Variants in MAP3K4 observed in about 807,000 individuals in gnomAD.
The protein encoded by MAP3K4 is MAP three kinase 1.
In MAP3K4, 67 loss-of-function variants were observed where a neutral mutation model predicts 185.6. The ratio of observed to expected loss-of-function variants is 0.36; its 90% CI spans 0.30 to 0.44. MAP3K4 has a LOEUF of 0.44. MAP3K4 is among the 20% of genes least tolerant of loss of function. The pLI, the probability that MAP3K4 is intolerant of heterozygous loss-of-function variation, is 1.00. For missense variants in MAP3K4, 1,551 were observed against 1,995.1 expected, an observed-to-expected ratio of 0.78 and a Z score of 4.24; for synonymous variants, 702 against 710.4, an observed-to-expected ratio of 0.99 and a Z score of 0.19.
intron 15 of MAP3K4, among the ~76,000 whole-genome samples, 182 bp downstream of exon 15, chr6:161,094,033 T>C (rs1166899415): frequency 6.6e-6 from 1 of 152,242 alleles, no homozygotes; most frequent in African/African-American, 2.4e-5. Flanking sequence ...TTTCTAAATC[T>C]GACAGGAAGA....
rs989696975 is a variant in MAP3K4, at chr6:161,108,063, G to A, written c.4119+94G>A. On this transcript the variant is annotated intron_variant, in intron 21 of 26. Transcript: ENST00000392142. This position sits in a 1 kb window ranked among gnomAD's most constrained non-coding sequence, Gnocchi z 5.7. ...CTGGTCGTGATTCAGTTCTCTGTGC[G>A]TAGAGCTGTCTTCAGCACCAGCACT... 14 of 1,123,836 alleles carry A rather than the reference G, an allele frequency of 1.2e-5. No homozygotes were observed. The highest frequency in any genetic ancestry group is 7.7e-5 in the African/African-American group (5 of 64,794). 69.6% of individuals were successfully genotyped at this position (1,123,836 alleles called of 1,614,324 possible). A position where few individuals can be genotyped will look rare whatever the true frequency, so the allele number is the denominator to read the frequency against.
chr6:161,022,737 C>T lies in MAP3K4; in HGVS notation c.153-11522C>T, dbSNP rs969121324. On this transcript the variant is annotated intron_variant, in intron 1 of 26. Transcript: ENST00000392142. This position sits in a 1 kb window ranked among gnomAD's most constrained non-coding sequence, Gnocchi z 4.2. ...AATTATGCTAGTACCTGTAGGAATCCTTGGGTACCTCGCATGTAACAGAGC... is the reference window on the plus strand; with the variant it reads ...AATTATGCTAGTACCTGTAGGAATCTTTGGGTACCTCGCATGTAACAGAGC... Among the ~76,000 whole-genome samples, 3 of 152,158 alleles carry T rather than the reference C, an allele frequency of 2.0e-5. No homozygotes were observed. Among genetic ancestry groups the T allele is most frequent in the African/African-American group, 7.2e-5 (3 of 41,426 alleles).
intron 6 of MAP3K4, among the ~76,000 whole-genome samples, chr6:161,083,461 C>G (rs1015955646): frequency 6.6e-6 from 1 of 152,116 alleles, no homozygotes; most frequent in African/African-American, 2.4e-5. Flanking sequence ...AATCAGACCC[C>G]TTTCCCAATC....
At chr6:161,062,347 T>C (rs1050090115) in intron 3 of MAP3K4, among the ~76,000 whole-genome samples, 1 of 152,236 alleles carries the variant, frequency 6.6e-6, no homozygotes, top group Non-Finnish European at 1.5e-5. Flanking sequence ...TGTATGACAG[T>C]ACTTTCTCCC....
At chr6:161,000,431 A>G (rs1440978398) in intron 1 of MAP3K4, among the ~76,000 whole-genome samples, 2 of 152,192 alleles carry the variant, frequency 1.3e-5, no homozygotes, top group African/African-American at 4.8e-5. Flanking sequence ...TGAAGACAGC[A>G]TTGTTACCCG....
At chr6:161,029,922 TCTAAG>T (rs1782844979) in intron 1 of MAP3K4, among the ~76,000 whole-genome samples, 1 of 152,190 alleles carries the variant, frequency 6.6e-6, no homozygotes, top group Non-Finnish European at 1.5e-5. Context: ...ATATGTTACT[TCTAAG>T]CTAAGGCCCT....
rs375223581 is a variant in MAP3K4 at position 161,093,084 on chromosome 6, T to C, written c.3348+28T>C. 19 of 1,500,746 alleles carry C rather than the reference T, an allele frequency of 1.3e-5. No individual in the cohort carries two copies. Among genetic ancestry groups the C allele is most frequent in the Non-Finnish European group, 1.8e-5 (19 of 1,083,552 alleles). The allele number at this position is 1,500,746 out of a possible 1,614,324, so 93.0% of individuals were successfully genotyped here. ...ATGGATTATTCTAAAGTTTTTTTCA[T>C]TATAAAATAAGCCAGTCACTCCTTA... On this transcript the variant is annotated intron_variant, in intron 14 of 26. Coordinates refer to ENST00000392142, the MANE Select transcript of MAP3K4 (RefSeq NM_005922.4). This position sits in a 1 kb window ranked among gnomAD's most constrained non-coding sequence, Gnocchi z 5.2.
intron 3 of MAP3K4, among the ~76,000 whole-genome samples, chr6:161,057,129 A>G (rs925057905): frequency 1.3e-5 from 2 of 152,152 alleles, no homozygotes; most frequent in Non-Finnish European, 2.9e-5. Context: ...ATTAGAAACG[A>G]TCATGTAGTT....
Position 161,061,660 on chromosome 6 carries a change from C to G in MAP3K4, c.1708-8948C>G, listed in dbSNP as rs762202843. ...GCCCTATCTCTAGGCAACCGCTAAT[C>G]TACTTTCTGTCTCTTAATATTTGCC... On this transcript the variant is annotated intron_variant, in intron 3 of 26. Coordinates refer to ENST00000392142, the MANE Select transcript of MAP3K4 (RefSeq NM_005922.4). This position sits in a 1 kb window ranked among gnomAD's most constrained non-coding sequence, Gnocchi z 4.2. Among the ~76,000 whole-genome samples the G allele has an allele frequency of 2.0e-5, 3 of 152,208 alleles. No homozygotes were observed. The highest frequency in any genetic ancestry group is 4.4e-5 in the Non-Finnish European group (3 of 68,032).
chr6:161,099,319 A>G (rs1777726047), intron 17 of MAP3K4, among the ~76,000 whole-genome samples: 1 of 152,224 alleles, frequency 6.6e-6, no homozygotes. Flanking sequence ...AAAACAGACT[A>G]AAATGTTTTT....
chr6:161,105,660 G>A (rs1256737149), intron 19 of MAP3K4, among the ~76,000 whole-genome samples: 1 of 152,180 alleles, frequency 6.6e-6, no homozygotes, highest in Non-Finnish European at 1.5e-5. Context: ...TTAGGCAGAG[G>A]GAAAGGTGTA....
In MAP3K4 at chr6:161,091,864, T is replaced by C; in HGVS notation, c.3136-146T>C. The C allele has an allele frequency of 1.4e-6, 1 of 700,228 alleles. No homozygotes were observed. The allele number at this position is 700,228 out of a possible 1,614,324, so 43.4% of individuals were successfully genotyped here. ...GCATTTTGAAACACTGTACTTTCCA[T>C]AATTCTTCATACTATTCAAAATATA... is the stretch of plus-strand genomic sequence containing the variant. On this transcript the variant is annotated intron_variant, in intron 12 of 26. Transcript: ENST00000392142. The surrounding 1 kb of genome is among the most constrained non-coding windows in gnomAD (Gnocchi z 5.5).
rs534177631 is a variant in MAP3K4, at chr6:161,068,128, A to G, written c.1708-2480A>G. 1.8e-4 allele frequency among the ~76,000 whole-genome samples: 27 copies of G among 152,380 alleles called. 1 individual carries two copies. The South Asian group carries it at 5.4e-3, about 30-fold the overall frequency. On this transcript the variant is annotated intron_variant, in intron 3 of 26. Coordinates refer to ENST00000392142, the MANE Select transcript of MAP3K4 (RefSeq NM_005922.4). Reference sequence around the variant, plus strand: ...GTACCGAGCTAAGTTTTAGAGACCCATAGTTAACTGGAGATAAACAATCTT... The same window carrying G: ...GTACCGAGCTAAGTTTTAGAGACCCGTAGTTAACTGGAGATAAACAATCTT...
chr6:161,019,834 T>A (rs1470676235), intron 1 of MAP3K4, among the ~76,000 whole-genome samples: 2 of 152,214 alleles, frequency 1.3e-5, no homozygotes, highest in African/African-American at 2.4e-5. Context: ...GTTAACCATT[T>A]AAAAAAAATT....
Position 161,049,192 on chromosome 6 carries a change from G to C in MAP3K4, c.920G>C (p.Ser307Thr), listed in dbSNP as rs1783886173. 1.2e-6 allele frequency: 2 copies of C among 1,613,850 alleles called. No homozygotes were observed. The highest frequency in any genetic ancestry group is 2.2e-5 in the South Asian group (2 of 91,082). ...EILTFKVDYGSFAFVRDRAGF... is the reference protein window; with the variant it reads ...EILTFKVDYGTFAFVRDRAGF... ...CTTACTTTCAAAGTCGACTATGGGA[G>C]CTTCGCCTTTGTTAGAGATAGAGCT... The change falls in exon 3 of 27, where the codon AGC becomes ACC. Residue 307 changes from serine to threonine, a missense_variant. Physicochemically the swap from Ser to Thr is moderately conservative, Grantham distance 58. This residue lies in a region of MAP3K4 where 69 missense variants were observed against 124.8 expected (regional missense o/e 0.55). Transcript: ENST00000392142. This position sits in a 1 kb window ranked among gnomAD's most constrained non-coding sequence, Gnocchi z 8.4.
Position 160,992,074 on chromosome 6 carries a change from T to G in MAP3K4, c.143T>G (p.Leu48Trp), listed in dbSNP as rs1780739247. 1.3e-6 allele frequency: 2 copies of G among 1,573,566 alleles called. No homozygotes were observed. The highest frequency in any genetic ancestry group is 1.7e-6 in the Non-Finnish European group (2 of 1,165,718). Residue 48 changes from leucine to tryptophan, a missense_variant, in exon 1 of 27, where the codon TTG becomes TGG. Physicochemically the swap from Leu to Trp is moderately conservative, Grantham distance 61 (BLOSUM62 -2). This residue lies in a region of MAP3K4 where 287 missense variants were observed against 268.8 expected (regional missense o/e 1.07). Transcript: ENST00000392142. ...ACCGAGTCAGAACCCGAGTGCTGCT[T>G]GGCGGCGAGGTGAGTGTGGCGGCCG... is the stretch of plus-strand genomic sequence containing the variant. ...PETESEPECC[L>W]AARQEGTLGD...
intron 3 of MAP3K4, among the ~76,000 whole-genome samples, chr6:161,059,419 G>C (rs1784389685): frequency 6.6e-6 from 1 of 152,196 alleles, no homozygotes; most frequent in Non-Finnish European, 1.5e-5. Flanking sequence ...TTACAGGCGT[G>C]AGCCACTGGC....
In MAP3K4 at chr6:161,035,713, A is replaced by G. The variant is rs1304875317; in HGVS notation, c.343+1264A>G. ...TCTCAAAGAAATTTCTCAAATGACT[A>G]TAGAAGTTTCTTATCTATGGTAGGA... is the stretch of plus-strand genomic sequence containing the variant. On this transcript the variant is annotated intron_variant, in intron 2 of 26. Coordinates refer to ENST00000392142, the MANE Select transcript of MAP3K4 (RefSeq NM_005922.4). Among the ~76,000 whole-genome samples the G allele has an allele frequency of 6.6e-5, 10 of 152,358 alleles. No homozygotes were observed. The Middle Eastern group carries it at 0.014, about 207-fold the overall frequency.
intron 5 of MAP3K4, among the ~76,000 whole-genome samples, chr6:161,078,273 T>C (rs1439786912): frequency 6.6e-6 from 1 of 152,122 alleles, no homozygotes; most frequent in Non-Finnish European, 1.5e-5. Context: ...TCCTTGAGTG[T>C]GGGCAGGGGG....
Sources: gnomAD v4.1 joint callset for allele counts (sites outside exome capture counted in the v4.1 genomes callset) on GRCh38, gnomAD v4.1.1 for gene constraint, gnomAD v4.1.1 regional missense constraint, Gnocchi (gnomAD v3.1) non-coding constraint, MANE v1.5 for transcripts, NCBI Gene and HGNC (gene_info 2026-07-23, HGNC 2026-07-21) for gene names.